The following ZNF75D variants were observed in gnomAD, a reference collection of about 807,000 sequenced individuals.
ZNF75D encodes zinc finger protein 75D, also known as zinc finger protein 75.
A neutral mutation model predicts 33.3 loss-of-function variants in ZNF75D; 33 were observed. The observed-to-expected ratio is 0.99, with a 90% CI of 0.75 to 1.32. The LOEUF is 1.32. Ranked by LOEUF, ZNF75D falls within the 40% of genes most tolerant of loss-of-function variation. The pLI, the probability that ZNF75D is intolerant of heterozygous loss-of-function variation, is 0.00. For missense variants in ZNF75D, 338 were observed against 367.5 expected (o/e 0.92, Z 0.66); for synonymous variants, 113 against 130.6 (o/e 0.87, Z 0.92).
At chrX:135,284,226 C>G (rs781918875), downstream of ZNF75D, among the ~76,000 whole-genome samples, 10 of 111,962 alleles carry the variant, frequency 8.9e-5, no homozygotes, top group Non-Finnish European at 1.9e-4. Context: ...CTCTTGTGTC[C>G]TCAGAAAGGC....
intron 1 of ZNF75D, among the ~76,000 whole-genome samples, chrX:135,299,489 T>A (rs1469531470): frequency 8.9e-6 from 1 of 112,288 alleles, no homozygotes; most frequent in Non-Finnish European, 1.9e-5. Context: ...TTGTCTTTTA[T>A]TATTGAGTTG....
At chrX:135,304,239 T>C (rs2084256835) in intron 1 of ZNF75D, among the ~76,000 whole-genome samples, 1 of 110,600 alleles carries the variant, frequency 9.0e-6, no homozygotes, top group Admixed American at 9.6e-5. Flanking sequence ...TCCCTGGGGA[T>C]AGGGGCACCC....
At chrX:135,326,097 T>C (rs2084569881) in intron 1 of ZNF75D, among the ~76,000 whole-genome samples, 1 of 104,329 alleles carries the variant, frequency 9.6e-6, no homozygotes, top group Admixed American at 1.0e-4. Flanking sequence ...AATACACCAA[T>C]CGGCATTCTG....
At chrX:135,311,897 A>G (rs1274665162) in intron 1 of ZNF75D, among the ~76,000 whole-genome samples, 1 of 111,762 alleles carries the variant, frequency 8.9e-6, no homozygotes, top group Non-Finnish European at 1.9e-5. Context: ...TTTATGGGAT[A>G]CATGTGTTAT....
intron 1 of ZNF75D, among the ~76,000 whole-genome samples, chrX:135,321,916 A>G (rs1273755692): frequency 8.9e-6 from 1 of 112,008 alleles, no homozygotes; most frequent in Non-Finnish European, 1.9e-5. Context: ...GCAAATACAA[A>G]GGAATGTAGA....
At chrX:135,269,057 T>C (rs1243650333) in intron 1 of ZNF75D, among the ~76,000 whole-genome samples, 5 of 111,962 alleles carry the variant, frequency 4.5e-5, no homozygotes, top group Non-Finnish European at 9.4e-5. Flanking sequence ...AACTGAAGAA[T>C]GAAACTAGAC....
chrX:135,257,987 G>A (rs890414189), intron 1 of ZNF75D, among the ~76,000 whole-genome samples: 19 of 108,205 alleles, frequency 1.8e-4, no homozygotes, highest in East Asian at 5.7e-4. Flanking sequence ...AACAGGCCCT[G>A]GTGTGTGATG....
intron 1 of ZNF75D, among the ~76,000 whole-genome samples, chrX:135,302,010 A>T (rs1300740272): frequency 8.9e-6 from 1 of 112,037 alleles, no homozygotes; most frequent in East Asian, 2.8e-4. Flanking sequence ...CAGGTCCAAC[A>T]CCACGTGGAA....
At position 135,328,490 on chromosome X, in the gene ZNF75D, G is replaced by T. The variant is rs116713342; in HGVS notation, c.-391+13278C>A. ...TCTCCTGCCCTAGATAAATGGGAATGACAGTTGCACCCACCTCAAGGTGTT... is the reference window on the plus strand; with the variant it reads ...TCTCCTGCCCTAGATAAATGGGAATTACAGTTGCACCCACCTCAAGGTGTT... On this transcript the variant is annotated intron_variant, in intron 1 of 6. Transcript: ENST00000370766. Among the ~76,000 whole-genome samples the T allele has an allele frequency of 2.8e-3, 317 of 111,759 alleles. 1 individual carries two copies. The highest frequency in any genetic ancestry group is 9.3e-3 in the African/African-American group (286 of 30,730).
Position 135,342,491 on chromosome X carries a change from A to G in ZNF75D, c.-1114T>C, listed in dbSNP as rs1217112979. ...TTTTATGATGCCATGACCCAGAGTGAATGTGTGTATGTGCTTGTGTGGAGG... is the reference window on the plus strand; with the variant it reads ...TTTTATGATGCCATGACCCAGAGTGGATGTGTGTATGTGCTTGTGTGGAGG... On this transcript the variant is annotated 5_prime_UTR_variant, in exon 1 of 7. Transcript: ENST00000370766. 8.9e-6 allele frequency: 1 copy of G among 111,878 alleles called. No individual in the cohort carries two copies. Among genetic ancestry groups the G allele is most frequent in the Admixed American group, 9.4e-5 (1 of 10,633 alleles). 9.2% of individuals were successfully genotyped at this position (111,878 alleles called of 1,213,427 possible).
chrX:135,330,284 T>G (rs781974049), intron 1 of ZNF75D: 2 of 111,244 alleles, frequency 1.8e-5, no homozygotes, highest in Non-Finnish European at 3.8e-5. Flanking sequence ...TGTGCGTGTG[T>G]GGGGGTGATG....
intron 1 of ZNF75D, chrX:135,298,717 T>C (rs1556423767): frequency 3.6e-5 from 4 of 111,825 alleles, no homozygotes; most frequent in Admixed American, 1.9e-4. Context: ...AATTATAGAA[T>C]ATTTACCTCA....
chrX:135,293,710 T>C lies in ZNF75D; in HGVS notation c.411+20A>G. 1.7e-6 allele frequency: 2 copies of C among 1,150,690 alleles called. No homozygotes were observed. Among genetic ancestry groups the C allele is most frequent in the Non-Finnish European group, 2.3e-6 (2 of 861,172 alleles). 94.8% of individuals were successfully genotyped at this position (1,150,690 alleles called of 1,213,427 possible). A position where few individuals can be genotyped will look rare whatever the true frequency, so the allele number is the denominator to read the frequency against. ...CTTTTATCCTACTTCATTGTACATG[T>C]AGGCAATCTTTCTTCTTACCTCATT... On this transcript the variant is annotated intron_variant, in intron 3 of 6. Transcript: ENST00000370766.
At chrX:135,258,547 G>C (rs1556414870) in intron 1 of ZNF75D, among the ~76,000 whole-genome samples, 1 of 111,750 alleles carries the variant, frequency 8.9e-6, no homozygotes, top group Admixed American at 9.4e-5. Flanking sequence ...GATGACCAAT[G>C]ATGAGGAGCT....
chrX:135,324,825 G>A (rs1411996300), intron 1 of ZNF75D, among the ~76,000 whole-genome samples: 1 of 112,413 alleles, frequency 8.9e-6, no homozygotes, highest in Non-Finnish European at 1.9e-5. Flanking sequence ...TACATGCTGT[G>A]TTAGCCCAGC....
chrX:135,292,169 G>A, intron 4 of ZNF75D, 112 bp downstream of exon 4: 1 of 747,430 alleles, frequency 1.3e-6, no homozygotes, highest in Non-Finnish European at 2.0e-6. Flanking sequence ...CCACCTGGGA[G>A]ACATCATAGC....
chrX:135,287,142 T>C lies in ZNF75D; in HGVS notation c.1528A>G (p.Asn510Asp), dbSNP rs782660699. The C allele has an allele frequency of 2.9e-5, 35 of 1,196,797 alleles. No individual in the cohort carries two copies. The highest frequency in any genetic ancestry group is 3.9e-5 in the Non-Finnish European group (35 of 890,669). Reference protein sequence around the residue: ...RRREACLVSPN With the variant: ...RRREACLVSPD ...GCTCTACATGGTAACTTTCCTCAGT[T>C]TGGAGACACTAGACATGCTTCCCTT... The change falls in exon 7 of 7, where the codon AAC becomes GAC. Residue 510 changes from asparagine to aspartate, a missense_variant. Asn to Asp is a conservative substitution (Grantham distance 23, BLOSUM62 1). Around this residue, in one of 3 missense-constraint regions of ZNF75D, gnomAD observed 79 missense variants for 80.1 expected, o/e 0.99. Coordinates refer to ENST00000370766, the MANE Select transcript of ZNF75D (RefSeq NM_007131.5).
chrX:135,290,949 A>G, intron 6 of ZNF75D, 60 bp downstream of exon 6: 1 of 1,112,409 alleles, frequency 9.0e-7, no homozygotes, highest in Non-Finnish European at 1.2e-6. Context: ...TGCATTTTCC[A>G]TAAACAGAGG....
At position 135,286,665 on chromosome X, in the gene ZNF75D, G is replaced by A. The variant is rs1211348283; in HGVS notation, c.*472C>T. 8.7e-6 allele frequency: 1 copy of A among 114,392 alleles called. No individual in the cohort carries two copies. Among genetic ancestry groups the A allele is most frequent in the African/African-American group, 3.2e-5 (1 of 30,831 alleles). The allele number at this position is 114,392 out of a possible 1,213,427, so 9.4% of individuals were successfully genotyped here. On this transcript the variant is annotated 3_prime_UTR_variant, in exon 7 of 7. Transcript: ENST00000370766. Reference sequence around the variant, plus strand: ...CTGAGTCCTGGTCTTGATTGTTCATGTAGACAGAATGATAACTATTGAAAC... The same window carrying A: ...CTGAGTCCTGGTCTTGATTGTTCATATAGACAGAATGATAACTATTGAAAC...
Sources: allele counts gnomAD v4.1 joint callset (sites outside exome capture counted in the v4.1 genomes callset), GRCh38; gene constraint gnomAD v4.1.1; regional missense constraint gnomAD v4.1.1; transcripts MANE v1.5; gene names NCBI Gene and HGNC (gene_info 2026-07-23, HGNC 2026-07-21).